MRPS28: variants seen among roughly 807,000 people sequenced by gnomAD.
MRPS28 encodes small ribosomal subunit protein bS1m.
MRPS28 carries 7 observed loss-of-function variants against 10.8 expected under a neutral mutation model. The observed-to-expected ratio is 0.65, with a 90% CI of 0.37 to 1.22. The LOEUF (loss-of-function observed/expected upper bound fraction) is 1.22, where lower values mean the gene tolerates loss of function less well. Among genes scored for constraint, MRPS28 ranks in the 50% most tolerant of loss-of-function variants. The pLI, the probability that MRPS28 is intolerant of heterozygous loss-of-function variation, is 0.02. For missense variants in MRPS28, 265 were observed against 232.9 expected (o/e 1.14, Z -0.90); for synonymous variants, 121 against 93.3 (o/e 1.30, Z -1.71).
At position 80,004,045 on chromosome 8, in the gene MRPS28, A is replaced by G. The variant is rs572995491; in HGVS notation, c.214-865T>C. Among the ~76,000 whole-genome samples the G allele has an allele frequency of 1.5e-4, 23 of 152,058 alleles. 1 individual carries two copies. Among genetic ancestry groups the G allele is most frequent in the Admixed American group, 1.2e-3 (19 of 15,286 alleles). ...CAAGGAGGCCTGCCTGCCTCTGTAGACTCCACCTCTGGGGGCAGGGCATAG... is the reference window on the plus strand; with the variant it reads ...CAAGGAGGCCTGCCTGCCTCTGTAGGCTCCACCTCTGGGGGCAGGGCATAG... On this transcript the variant is annotated intron_variant, in intron 1 of 2. Coordinates refer to ENST00000276585, the MANE Select transcript of MRPS28 (RefSeq NM_014018.3).
chr8:79,969,409 T>C (rs546979865), intron 2 of MRPS28, among the ~76,000 whole-genome samples: 58 of 152,242 alleles, frequency 3.8e-4, no homozygotes, highest in Non-Finnish European at 6.6e-4. Flanking sequence ...TAAAACTGTA[T>C]AAAGAACTGA....
At chr8:79,931,735 T>A (rs890346112) in intron 2 of MRPS28, among the ~76,000 whole-genome samples, 5 of 152,196 alleles carry the variant, frequency 3.3e-5, no homozygotes, top group African/African-American at 1.2e-4. Context: ...ATAAAGTAGG[T>A]CTGGCTGTTA....
chr8:79,974,733 T>A (rs1043898457), intron 2 of MRPS28, among the ~76,000 whole-genome samples: 1 of 152,074 alleles, frequency 6.6e-6, no homozygotes, highest in African/African-American at 2.4e-5. Flanking sequence ...TAGGAAATGA[T>A]GATAATATAA....
At chr8:79,976,663 G>A (rs898863017) in intron 2 of MRPS28, among the ~76,000 whole-genome samples, 5 of 152,004 alleles carry the variant, frequency 3.3e-5, no homozygotes, top group Non-Finnish European at 5.9e-5. Flanking sequence ...CTGAGATCGC[G>A]CCACTGCACT....
chr8:79,928,317 T>C (rs1806358204), intron 2 of MRPS28, among the ~76,000 whole-genome samples: 1 of 151,814 alleles, frequency 6.6e-6, no homozygotes, highest in African/African-American at 2.4e-5. Context: ...GGCAATGGAG[T>C]GAGCACCTGT....
At chr8:79,967,553 T>C (rs1245419158) in intron 2 of MRPS28, among the ~76,000 whole-genome samples, 1 of 152,182 alleles carries the variant, frequency 6.6e-6, no homozygotes, top group Non-Finnish European at 1.5e-5. Context: ...GGTTTTGTTG[T>C]GAGCAAGAAA....
chr8:80,013,634 C>CAAAAAAAAAAA (rs5892700), intron 1 of MRPS28, among the ~76,000 whole-genome samples: 126 of 75,470 alleles, frequency 1.7e-3, no homozygotes, highest in East Asian at 2.2e-3. Context: ...GACTCCATCT[C>CAAAAAAAAAAA]AAAAAAAAAA....
In MRPS28 at chr8:80,022,082, A is replaced by G. The variant is rs546525084; in HGVS notation, c.213+7954T>C. Among the ~76,000 whole-genome samples the G allele has an allele frequency of 3.3e-5, 5 of 152,298 alleles. No individual in the cohort carries two copies. The South Asian group carries it at 1.0e-3, about 32-fold the overall frequency. ...CCTTGTGCTGTCCTTTTGTAACTCC[A>G]CATATCCCTTTTACCTCCCTCCTTC... On this transcript the variant is annotated intron_variant, in intron 1 of 2. Transcript: ENST00000276585.
chr8:79,925,581 C>T (rs761975869), intron 2 of MRPS28, among the ~76,000 whole-genome samples: 41 of 152,076 alleles, frequency 2.7e-4, no homozygotes, highest in Admixed American at 8.5e-4. Context: ...TTAAAAATGT[C>T]TAGTAAATGA....
intron 2 of MRPS28, among the ~76,000 whole-genome samples, chr8:79,975,999 CAT>C (rs1303876038): frequency 6.6e-6 from 1 of 151,958 alleles, no homozygotes; most frequent in Non-Finnish European, 1.5e-5. Flanking sequence ...CTGGCCCTGA[CAT>C]ATGTTTATTT....
chr8:79,968,708 ACT>A (rs1491257174), intron 2 of MRPS28, among the ~76,000 whole-genome samples: 1 of 149,508 alleles, frequency 6.7e-6, no homozygotes, highest in African/African-American at 2.5e-5. Flanking sequence ...ACAGAGTGAG[ACT>A]CTGTCTAAAA....
chr8:79,977,690 G>A (rs1807840340), intron 2 of MRPS28, among the ~76,000 whole-genome samples: 1 of 151,962 alleles, frequency 6.6e-6, no homozygotes, highest in Non-Finnish European at 1.5e-5. Context: ...GGTGGTGGAT[G>A]CCTACAGTTC....
intron 2 of MRPS28, among the ~76,000 whole-genome samples, chr8:79,972,837 A>G (rs976691836): frequency 6.6e-6 from 1 of 152,262 alleles, no homozygotes; most frequent in Non-Finnish European, 1.5e-5. Context: ...CTGAAATCAT[A>G]TCAAAATATC....
chr8:80,020,349 C>T (rs1410676650), intron 1 of MRPS28, among the ~76,000 whole-genome samples: 1 of 152,148 alleles, frequency 6.6e-6, no homozygotes, highest in Non-Finnish European at 1.5e-5. Flanking sequence ...CTTCCCATCA[C>T]GGCCTGCACT....
chr8:79,953,509 T>C (rs1807129759), intron 2 of MRPS28, among the ~76,000 whole-genome samples: 1 of 152,144 alleles, frequency 6.6e-6, no homozygotes, highest in African/African-American at 2.4e-5. Context: ...AACTGGATAA[T>C]CATATGAAAA....
chr8:80,003,491 GTC>G (rs1808724252), intron 1 of MRPS28, among the ~76,000 whole-genome samples: 1 of 152,114 alleles, frequency 6.6e-6, no homozygotes, highest in Non-Finnish European at 1.5e-5. Context: ...GAGAAACCCT[GTC>G]TCTACTAAAA....
intron 1 of MRPS28, among the ~76,000 whole-genome samples, chr8:80,015,223 T>C (rs1213530981): frequency 2.6e-5 from 4 of 152,220 alleles, no homozygotes; most frequent in East Asian, 3.8e-4. Flanking sequence ...CTGTGGGGAA[T>C]AGAACTATTT....
chr8:80,014,005 A>G (rs1809130471), intron 1 of MRPS28, among the ~76,000 whole-genome samples: 1 of 152,238 alleles, frequency 6.6e-6, no homozygotes, highest in African/African-American at 2.4e-5. Context: ...GGAGAACAAA[A>G]GTATACAAAC....
chr8:79,925,584 G>C (rs1384027497), intron 2 of MRPS28, among the ~76,000 whole-genome samples: 3 of 152,104 alleles, frequency 2.0e-5, no homozygotes, highest in Admixed American at 6.5e-5. Context: ...AAAATGTCTA[G>C]TAAATGATTT....
Sources: allele counts gnomAD v4.1 joint callset (sites outside exome capture counted in the v4.1 genomes callset), GRCh38; gene constraint gnomAD v4.1.1; transcripts MANE v1.5; gene names NCBI Gene and HGNC (gene_info 2026-07-23, HGNC 2026-07-21).